CDH18: variants seen among roughly 807,000 people sequenced by gnomAD.
The protein encoded by CDH18 is cadherin-18.
A neutral mutation model predicts 67.9 loss-of-function variants in CDH18; 31 were observed. The ratio of observed to expected loss-of-function variants is 0.46; its 90% CI spans 0.34 to 0.62. The LOEUF (loss-of-function observed/expected upper bound fraction) is 0.62, where lower values mean the gene tolerates loss of function less well. Ranked by LOEUF, CDH18 falls within the 20% of genes least tolerant of loss-of-function variation. CDH18 has a pLI of 0.01. For synonymous variants in CDH18, 362 were observed against 347.2 expected, an observed-to-expected ratio of 1.04 and a Z score of -0.48; for missense variants, 890 against 975.5, an observed-to-expected ratio of 0.91 and a Z score of 1.17.
chr5:20,559,382 T>C (rs1043033524), intron 1 of CDH18, among the ~76,000 whole-genome samples: 1 of 152,044 alleles, frequency 6.6e-6, no homozygotes, highest in African/African-American at 2.4e-5. Flanking sequence ...AAATTTTAAC[T>C]GGGGTAAATC....
chr5:19,908,034 G>A (rs1377508130), intron 2 of CDH18, among the ~76,000 whole-genome samples: 3 of 150,980 alleles, frequency 2.0e-5, no homozygotes, highest in African/African-American at 4.9e-5. Flanking sequence ...TCTCAATGAC[G>A]TTTCCTAGCA....
At chr5:20,307,384 G>T (rs1736563891) in intron 1 of CDH18, among the ~76,000 whole-genome samples, 1 of 152,076 alleles carries the variant, frequency 6.6e-6, no homozygotes, top group Non-Finnish European at 1.5e-5. Context: ...GTAGTTAGGG[G>T]AAGACAATAG....
chr5:19,656,345 A>T (rs888943392), intron 5 of CDH18, among the ~76,000 whole-genome samples: 12 of 152,072 alleles, frequency 7.9e-5, no homozygotes, highest in Admixed American at 6.6e-5. Flanking sequence ...ACTTTTTTAA[A>T]TCATTTTTTT....
At chr5:19,494,776 A>T (rs770112544) in intron 11 of CDH18, among the ~76,000 whole-genome samples, 3 of 152,152 alleles carry the variant, frequency 2.0e-5, no homozygotes, top group Non-Finnish European at 4.4e-5. Flanking sequence ...TCAGCATCTA[A>T]ATATCTTCCT....
chr5:19,484,010 A>AT (rs1236612509), intron 11 of CDH18, among the ~76,000 whole-genome samples: 1 of 152,224 alleles, frequency 6.6e-6, no homozygotes, highest in African/African-American at 2.4e-5. Context: ...CAGGTATAAG[A>AT]ATAACTGGTT....
At chr5:19,982,448 T>C (rs752999933) in intron 1 of CDH18, among the ~76,000 whole-genome samples, 2 of 152,130 alleles carry the variant, frequency 1.3e-5, no homozygotes, top group Non-Finnish European at 2.9e-5. Flanking sequence ...ATACATAAAA[T>C]TTAGTATCAA....
At chr5:20,172,199 T>TATAC (rs1554098675) in intron 2 of CDH18, among the ~76,000 whole-genome samples, 2 of 52,868 alleles carry the variant, frequency 3.8e-5, no homozygotes, top group African/African-American at 9.2e-5. Context: ...TGTATATATA[T>TATAC]ATATATATAT....
At chr5:20,356,566 A>G (rs894103348) in intron 1 of CDH18, among the ~76,000 whole-genome samples, 3 of 152,028 alleles carry the variant, frequency 2.0e-5, no homozygotes, top group Non-Finnish European at 4.4e-5. Flanking sequence ...TTAAATCAAG[A>G]GTAAAGAGGA....
chr5:19,837,807 CG>C (rs929730727), intron 3 of CDH18, among the ~76,000 whole-genome samples: 2 of 151,824 alleles, frequency 1.3e-5, no homozygotes, highest in Admixed American at 6.6e-5. Flanking sequence ...AATCATCAAT[CG>C]GGGGATAGAA....
At chr5:19,610,399 A>G (rs1748757962) in intron 6 of CDH18, among the ~76,000 whole-genome samples, 1 of 152,096 alleles carries the variant, frequency 6.6e-6, no homozygotes, top group Admixed American at 6.6e-5. Context: ...TATATGAATA[A>G]TATTCCTTAT....
At chr5:20,034,184 A>T (rs963381543) in intron 2 of CDH18, among the ~76,000 whole-genome samples, 6 of 152,000 alleles carry the variant, frequency 3.9e-5, no homozygotes, top group Non-Finnish European at 8.8e-5. Flanking sequence ...CTTTTCTACC[A>T]TGAGACTAAA....
At chr5:19,709,659 GAGAA>G (rs1033641909) in intron 5 of CDH18, among the ~76,000 whole-genome samples, 2 of 128,342 alleles carry the variant, frequency 1.6e-5, no homozygotes, top group African/African-American at 2.9e-5. Flanking sequence ...GAGAGAAAGA[GAGAA>G]AGAAAGAAAA....
At chr5:19,735,857 T>A (rs1768248155) in intron 4 of CDH18, among the ~76,000 whole-genome samples, 2 of 152,200 alleles carry the variant, frequency 1.3e-5, no homozygotes, top group South Asian at 2.1e-4. Flanking sequence ...TATAGTTTCA[T>A]GCATATATAC....
At chr5:20,004,187 G>A (rs1485365283) in intron 2 of CDH18, among the ~76,000 whole-genome samples, 2 of 152,122 alleles carry the variant, frequency 1.3e-5, no homozygotes, top group East Asian at 1.9e-4. Context: ...TGGCTGGAAT[G>A]ATTTTTACTA....
intron 3 of CDH18, among the ~76,000 whole-genome samples, chr5:19,792,243 A>G (rs1337546126): frequency 1.3e-5 from 2 of 152,088 alleles, no homozygotes; most frequent in African/African-American, 4.8e-5. Flanking sequence ...AATGAAAGCA[A>G]AGGAAGGGTG....
chr5:20,084,850 C>T (rs1211705061), intron 2 of CDH18, among the ~76,000 whole-genome samples: 1 of 152,138 alleles, frequency 6.6e-6, no homozygotes, highest in East Asian at 1.9e-4. Flanking sequence ...CCCTAGGCTG[C>T]ACACAGCACA....
chr5:19,630,304 C>T (rs941085503), intron 5 of CDH18, among the ~76,000 whole-genome samples: 2 of 152,132 alleles, frequency 1.3e-5, no homozygotes, highest in African/African-American at 4.8e-5. Flanking sequence ...CCTTATCCCC[C>T]TTGGCTACTC....
intron 4 of CDH18, among the ~76,000 whole-genome samples, chr5:19,724,093 C>T (rs1035158381): frequency 1.3e-5 from 2 of 152,076 alleles, no homozygotes; most frequent in Admixed American, 6.6e-5. Flanking sequence ...TTCATGATAG[C>T]CCCACACTGG....
At chr5:20,263,663 T>C (rs149495700) in intron 1 of CDH18, among the ~76,000 whole-genome samples, 10 of 152,194 alleles carry the variant, frequency 6.6e-5, no homozygotes, top group African/African-American at 1.9e-4. Context: ...CAGTGTAAGA[T>C]TGAACAATGG....
Sources: allele counts gnomAD v4.1 joint callset (sites outside exome capture counted in the v4.1 genomes callset), GRCh38; gene constraint gnomAD v4.1.1; transcripts MANE v1.5; gene names NCBI Gene and HGNC (gene_info 2026-07-23, HGNC 2026-07-21).